The following CFAP77 variants were observed in gnomAD, a reference collection of about 807,000 sequenced individuals.
The protein encoded by CFAP77 is cilia- and flagella-associated protein 77.
CFAP77 carries 25 observed loss-of-function variants against 31.1 expected under a neutral mutation model. The ratio of observed to expected loss-of-function variants is 0.80; its 90% confidence interval spans 0.59 to 1.12. The LOEUF (loss-of-function observed/expected upper bound fraction) is 1.12, where lower values mean the gene tolerates loss of function less well. Ranked by LOEUF, CFAP77 falls within the 50% of genes most tolerant of loss-of-function variation. The pLI is 0.00. For missense variants in CFAP77, 377 were observed against 397.3 expected (o/e 0.95, Z 0.44); for synonymous variants, 151 against 159.9 (o/e 0.94, Z 0.42).
At chr9:132,466,529 T>A (rs1228458170) in intron 1 of CFAP77, among the ~76,000 whole-genome samples, 1 of 152,178 alleles carries the variant, frequency 6.6e-6, no homozygotes, top group Non-Finnish European at 1.5e-5. Context: ...CTGCACTATG[T>A]CGGCAGTTGG....
At chr9:132,568,383 C>T (rs1179542632) in intron 5 of CFAP77, among the ~76,000 whole-genome samples, 9 of 151,854 alleles carry the variant, frequency 5.9e-5, no homozygotes, top group African/African-American at 1.5e-4. Context: ...GGAGAAACCC[C>T]GTTTCTACTA....
At chr9:132,457,317 C>CGGGG (rs1255549375) in intron 1 of CFAP77, among the ~76,000 whole-genome samples, 1 of 73,046 alleles carries the variant, frequency 1.4e-5, no homozygotes, top group South Asian at 4.5e-4. Context: ...GGTGGGGGGG[C>CGGGG]GGGGGGAGAA....
intron 5 of CFAP77, among the ~76,000 whole-genome samples, chr9:132,544,237 G>A (rs1171724691): frequency 3.3e-5 from 5 of 152,198 alleles, no homozygotes; most frequent in Admixed American, 2.6e-4. Flanking sequence ...CCTGCCGCCC[G>A]TCAGTGCGCT....
rs1056718689 is a variant in CFAP77, at chr9:132,490,803, C to T, written c.196-7892C>T. Among the ~76,000 whole-genome samples the T allele has an allele frequency of 3.9e-5, 6 of 152,176 alleles. No individual in the cohort carries two copies. The highest frequency in any genetic ancestry group is 1.9e-4 in the East Asian group (1 of 5,204). ...CTTTAGTCCTGAACAGCAGCTCCTC[C>T]GTCATTTTGTTCAACATTGTTATAA... On this transcript the variant is annotated intron_variant, in intron 1 of 5. Transcript: ENST00000393216. This position sits in a 1 kb window ranked among gnomAD's most constrained non-coding sequence, Gnocchi z 4.6.
intron 1 of CFAP77, among the ~76,000 whole-genome samples, chr9:132,423,175 A>T (rs1445235194): frequency 1.3e-5 from 2 of 152,210 alleles, no homozygotes; most frequent in African/African-American, 2.4e-5. Flanking sequence ...AAGTCTTTTA[A>T]AAACTACTCT....
chr9:132,488,183 G>A (rs1033413081), intron 1 of CFAP77, among the ~76,000 whole-genome samples: 2 of 152,184 alleles, frequency 1.3e-5, no homozygotes, highest in African/African-American at 2.4e-5. Context: ...GCCAGGAAGT[G>A]GGGAGTGATT....
chr9:132,499,365 C>A lies in CFAP77; in HGVS notation c.296-7C>A. Reference sequence around the variant, plus strand: ...CCACTGCCCCGTGGGTCTCTCCCTGCCCTCAGCCATCGGACGCTGGAACGT... The same window carrying A: ...CCACTGCCCCGTGGGTCTCTCCCTGACCTCAGCCATCGGACGCTGGAACGT... On this transcript the variant is annotated splice_region_variant and splice_polypyrimidine_tract_variant and intron_variant, in intron 2 of 5. Coordinates refer to ENST00000393216, the MANE Select transcript of CFAP77 (RefSeq NM_001282957.2). This position sits in a 1 kb window ranked among gnomAD's most constrained non-coding sequence, Gnocchi z 5.4. 6.2e-7 allele frequency: 1 copy of A among 1,613,510 alleles called. No individual in the cohort carries two copies. Among genetic ancestry groups the A allele is most frequent in the South Asian group, 1.1e-5 (1 of 91,046 alleles).
intron 3 of CFAP77, among the ~76,000 whole-genome samples, chr9:132,506,872 C>T (rs1004740959): frequency 1.3e-5 from 2 of 152,100 alleles, no homozygotes; most frequent in Non-Finnish European, 2.9e-5. Flanking sequence ...CTGTGCAGTG[C>T]GAGGAGGATT....
intron 1 of CFAP77, among the ~76,000 whole-genome samples, chr9:132,410,844 G>A (rs1029612082): frequency 6.6e-6 from 1 of 152,198 alleles, no homozygotes; most frequent in Non-Finnish European, 1.5e-5. Context: ...TCTAAGTCGT[G>A]GCTGCCAGCC....
chr9:132,532,471 C>T (rs1453913374), intron 3 of CFAP77, among the ~76,000 whole-genome samples: 1 of 152,190 alleles, frequency 6.6e-6, no homozygotes, highest in Non-Finnish European at 1.5e-5. Flanking sequence ...GAGTGCAGTC[C>T]AGCATGGGCA....
chr9:132,464,290 C>T (rs570524146), intron 1 of CFAP77, among the ~76,000 whole-genome samples: 7 of 152,246 alleles, frequency 4.6e-5, no homozygotes, highest in Admixed American at 4.6e-4. Context: ...CCTCCCAGAA[C>T]TCTCCCAGCA....
chr9:132,524,999 G>A (rs949137511), intron 3 of CFAP77, among the ~76,000 whole-genome samples: 3 of 144,330 alleles, frequency 2.1e-5, no homozygotes, highest in African/African-American at 7.6e-5. Flanking sequence ...TATACTCTTC[G>A]ATTACCTCTT....
intron 1 of CFAP77, among the ~76,000 whole-genome samples, chr9:132,432,387 T>C (rs1850425541): frequency 6.6e-6 from 1 of 152,072 alleles, no homozygotes; most frequent in Non-Finnish European, 1.5e-5. Flanking sequence ...GAATGTCAGC[T>C]TGACAGTCTT....
intron 3 of CFAP77, among the ~76,000 whole-genome samples, chr9:132,536,475 C>T (rs1195913601): frequency 5.5e-5 from 8 of 146,178 alleles, no homozygotes; most frequent in Non-Finnish European, 1.2e-4. Context: ...CTCACTGCAA[C>T]ATTCATCTCC....
rs1849970692 is a variant in CFAP77, at chr9:132,410,440, A to G, written c.169A>G (p.Met57Val). 6.3e-7 allele frequency: 1 copy of G among 1,592,688 alleles called. No individual in the cohort carries two copies. The highest frequency in any genetic ancestry group is 8.5e-7 in the Non-Finnish European group (1 of 1,171,560). ...NERLGVVRDS[M>V]FQNPLIVKAE... is the part of the protein sequence containing the mutation. Reference sequence around the variant, plus strand: ...GCGGCTGGGGGTCGTGCGGGACTCCATGTTTCAGAACCCTCTCATCGTCAA... The same window carrying G: ...GCGGCTGGGGGTCGTGCGGGACTCCGTGTTTCAGAACCCTCTCATCGTCAA... Residue 57 changes from methionine (M) to valine (V), a missense_variant, in exon 1 of 6, where the codon ATG becomes GTG. Physicochemically the swap from Met to Val is conservative, Grantham distance 21. Coordinates refer to ENST00000393216, the MANE Select transcript of CFAP77 (RefSeq NM_001282957.2).
intron 4 of CFAP77, among the ~76,000 whole-genome samples, chr9:132,541,891 A>G (rs1272344102): frequency 6.6e-6 from 1 of 151,884 alleles, no homozygotes; most frequent in Non-Finnish European, 1.5e-5. Context: ...ACACCATGGG[A>G]GGTGACGCGG....
intron 1 of CFAP77, among the ~76,000 whole-genome samples, chr9:132,446,888 A>G (rs1388640843): frequency 6.6e-6 from 1 of 152,028 alleles, no homozygotes; most frequent in Non-Finnish European, 1.5e-5. Flanking sequence ...TCAGTTTCCC[A>G]TTTTATTTTT....
chr9:132,558,341 G>A (rs974205805), intron 5 of CFAP77, among the ~76,000 whole-genome samples: 32 of 152,222 alleles, frequency 2.1e-4, no homozygotes, highest in African/African-American at 7.7e-4. Flanking sequence ...AGCAGAATGG[G>A]AGAAAATATT....
chr9:132,555,593 C>A (rs1165722655), intron 5 of CFAP77, among the ~76,000 whole-genome samples: 1 of 152,134 alleles, frequency 6.6e-6, no homozygotes, highest in Non-Finnish European at 1.5e-5. Context: ...ATTAAGGAAT[C>A]CCCATTGTCT....
Sources: gnomAD v4.1 joint callset for allele counts (sites outside exome capture counted in the v4.1 genomes callset) on GRCh38, gnomAD v4.1.1 for gene constraint, Gnocchi (gnomAD v3.1) non-coding constraint, MANE v1.5 for transcripts, NCBI Gene and HGNC (gene_info 2026-07-23, HGNC 2026-07-21) for gene names.